LHCGR: variants seen among roughly 807,000 people sequenced by gnomAD.
The protein encoded by LHCGR is luteinizing hormone/choriogonadotropin receptor.
A neutral mutation model predicts 60.7 loss-of-function variants in LHCGR; 55 were observed. The ratio of observed to expected loss-of-function variants is 0.91; its 90% CI spans 0.73 to 1.13. The LOEUF (loss-of-function observed/expected upper bound fraction) is 1.13. Ranked by LOEUF, LHCGR falls within the 50% of genes most tolerant of loss-of-function variation. The pLI is 0.00. For missense variants in LHCGR, 862 were observed against 836.0 expected (o/e 1.03, Z -0.38); for synonymous variants, 337 against 316.5 (o/e 1.06, Z -0.69).
chr2:48,743,373 G>T (rs1250263290), intron 1 of LHCGR, among the ~76,000 whole-genome samples: 1 of 152,046 alleles, frequency 6.6e-6, no homozygotes. Context: ...TACCAAAGCT[G>T]GGCAGAGACA....
chr2:48,702,338 T>C (rs891658183), intron 8 of LHCGR, among the ~76,000 whole-genome samples: 32 of 151,996 alleles, frequency 2.1e-4, no homozygotes, highest in African/African-American at 7.0e-4. Context: ...TAGGTATACA[T>C]ATGCCACGTT....
intron 1 of LHCGR, among the ~76,000 whole-genome samples, chr2:48,741,229 AG>A (rs1447881563): frequency 1.3e-5 from 2 of 152,242 alleles, no homozygotes; most frequent in African/African-American, 4.8e-5. Context: ...TGTACCTGAA[AG>A]TGACGGGGAG....
chr2:48,751,829 A>G (rs909389508), intron 1 of LHCGR, among the ~76,000 whole-genome samples: 1 of 152,250 alleles, frequency 6.6e-6, no homozygotes, highest in African/African-American at 2.4e-5. Flanking sequence ...TGTCTTCAAC[A>G]AAATCTAAAA....
At position 48,749,020 on chromosome 2, in the gene LHCGR, A is replaced by G. The variant is rs1669833134; in HGVS notation, c.161+6491T>C. On this transcript the variant is annotated intron_variant, in intron 1 of 10. Transcript: ENST00000294954. Reference sequence around the variant, plus strand: ...CTGTCTGCTGCTACTCATGAGGTGCAATTAGGAACCCAGGAGTAGCGTAAC... The same window carrying G: ...CTGTCTGCTGCTACTCATGAGGTGCGATTAGGAACCCAGGAGTAGCGTAAC... Among the ~76,000 whole-genome samples, 5 of 152,218 alleles carry G rather than the reference A, an allele frequency of 3.3e-5. No individual in the cohort carries two copies. In the South Asian group the frequency reaches 1.0e-3, roughly 32 times the overall value.
intron 7 of LHCGR, among the ~76,000 whole-genome samples, chr2:48,713,066 A>T (rs974696720): frequency 1.3e-5 from 2 of 152,180 alleles, no homozygotes; most frequent in East Asian, 1.9e-4. Context: ...AAGCTTGTTA[A>T]AATTGCAAAT....
At chr2:48,691,754 G>C (rs1171782478) in intron 10 of LHCGR, among the ~76,000 whole-genome samples, 20 of 151,356 alleles carry the variant, frequency 1.3e-4, no homozygotes, top group Admixed American at 1.3e-3. Flanking sequence ...GTTGAGGCAG[G>C]AGAATCGCTT....
intron 8 of LHCGR, 96 bp downstream of exon 8, chr2:48,708,852 C>T: frequency 5.3e-6 from 5 of 938,384 alleles, no homozygotes; most frequent in Non-Finnish European, 8.9e-6. Context: ...AGGCTGATGT[C>T]TCACATATCA....
intron 9 of LHCGR, 128 bp from the exon 10 acceptor site, chr2:48,694,432 T>C: frequency 1.5e-6 from 1 of 680,862 alleles, no homozygotes. Context: ...TTCTGCACCA[T>C]TGTCCTAACT....
chr2:48,711,993 C>T (rs867148951), intron 7 of LHCGR, among the ~76,000 whole-genome samples: 6 of 152,190 alleles, frequency 3.9e-5, no homozygotes, highest in Non-Finnish European at 8.8e-5. Flanking sequence ...GTCCCTAACT[C>T]GTATCTAGAA....
At chr2:48,719,841 A>G (rs541439527) in intron 6 of LHCGR, among the ~76,000 whole-genome samples, 183 of 152,348 alleles carry the variant, frequency 1.2e-3, no homozygotes, top group African/African-American at 4.1e-3. Flanking sequence ...TTTTCTAATT[A>G]GAGAGTTGAA....
intron 1 of LHCGR, among the ~76,000 whole-genome samples, chr2:48,744,361 A>G (rs1223804884): frequency 4.0e-5 from 1 of 24,870 alleles, no homozygotes; most frequent in African/African-American, 2.1e-4. Flanking sequence ...GTTCATATGG[A>G]ACCAAAAAAG....
intron 8 of LHCGR, among the ~76,000 whole-genome samples, chr2:48,708,616 C>T (rs1268081764): frequency 6.6e-6 from 1 of 152,072 alleles, no homozygotes; most frequent in Admixed American, 6.6e-5. Flanking sequence ...TGGAATTATG[C>T]TGCCACAACC....
At chr2:48,740,112 C>A (rs1669373610) in intron 1 of LHCGR, among the ~76,000 whole-genome samples, 1 of 152,232 alleles carries the variant, frequency 6.6e-6, no homozygotes, top group South Asian at 2.1e-4. Context: ...TCACTCCCAC[C>A]CGAATACTGC....
intron 7 of LHCGR, among the ~76,000 whole-genome samples, chr2:48,710,217 C>A (rs1667911982): frequency 6.6e-6 from 1 of 152,180 alleles, no homozygotes; most frequent in African/African-American, 2.4e-5. Flanking sequence ...ATCGTCCCAT[C>A]CCCTGGGTAT....
chr2:48,749,833 T>C (rs1669878612), intron 1 of LHCGR, among the ~76,000 whole-genome samples: 1 of 152,206 alleles, frequency 6.6e-6, no homozygotes, highest in African/African-American at 2.4e-5. Context: ...TACACTTGCG[T>C]TGAGATTTTG....
chr2:48,708,549 CA>C (rs1667812588), intron 8 of LHCGR, among the ~76,000 whole-genome samples: 11 of 204 alleles, frequency 0.054, no homozygotes, highest in South Asian at 0.33. Flanking sequence ...GATACCCACC[CA>C]CACACACACA....
At position 48,688,253 on chromosome 2, in the gene LHCGR, A is replaced by T; in HGVS notation, c.1544T>A (p.Phe515Tyr). 6.2e-7 allele frequency: 1 copy of T among 1,614,196 alleles called. No individual in the cohort carries two copies. The highest frequency in any genetic ancestry group is 8.5e-7 in the Non-Finnish European group (1 of 1,180,032). Reference sequence around the variant, plus strand: ...GAGAGTGGTTTCCACATCCATGGGGAAGCAAATACTGACCTTCATGTAATT... The same window carrying T: ...GAGAGTGGTTTCCACATCCATGGGGTAGCAAATACTGACCTTCATGTAATT... Reference protein sequence around the residue: ...VSNYMKVSICFPMDVETTLSQ... With the variant: ...VSNYMKVSICYPMDVETTLSQ... The change falls in exon 11 of 11, where the codon TTC (phenylalanine) becomes TAC (tyrosine). Residue 515 changes from phenylalanine to tyrosine, a missense_variant. By Grantham distance (22) the Phe-to-Tyr change is conservative. Coordinates refer to ENST00000294954, the MANE Select transcript of LHCGR (RefSeq NM_000233.4). This position sits in a 1 kb window ranked among gnomAD's most constrained non-coding sequence, Gnocchi z 5.2.
At chr2:48,699,651 A>C (rs1385731004) in intron 8 of LHCGR, among the ~76,000 whole-genome samples, 2 of 152,040 alleles carry the variant, frequency 1.3e-5, no homozygotes, top group Non-Finnish European at 1.5e-5. Flanking sequence ...TAGGAAGCAG[A>C]ATGCATGTTC....
intron 2 of LHCGR, among the ~76,000 whole-genome samples, chr2:48,730,306 C>A (rs1668933681): frequency 6.6e-6 from 1 of 152,152 alleles, no homozygotes; most frequent in South Asian, 2.1e-4. Flanking sequence ...TAAAGGTTAT[C>A]AAAACTCAAC....
Sources: allele counts gnomAD v4.1 joint callset (sites outside exome capture counted in the v4.1 genomes callset), GRCh38; gene constraint gnomAD v4.1.1; non-coding constraint Gnocchi (gnomAD v3.1); transcripts MANE v1.5; gene names NCBI Gene and HGNC (gene_info 2026-07-23, HGNC 2026-07-21).